Variants in RGS6 observed in about 807,000 individuals in gnomAD.
RGS6 encodes the protein regulator of G protein signaling 6.
Under a neutral mutation model 78.5 loss-of-function variants are expected in RGS6, and 30 were observed. The ratio of observed to expected loss-of-function variants is 0.38; its 90% CI spans 0.29 to 0.52. The LOEUF is 0.52. Among genes scored for constraint, RGS6 ranks in the 20% least tolerant of loss-of-function variants. RGS6 has a pLI of 0.85. For missense variants in RGS6, 495 were observed against 609.7 expected (o/e 0.81, Z 1.98); for synonymous variants, 206 against 206.0 (o/e 1.00, Z 0.00).
At chr14:72,257,851 T>C (rs2057380118) in intron 2 of RGS6, among the ~76,000 whole-genome samples, 5 of 152,128 alleles carry the variant, frequency 3.3e-5, no homozygotes. Flanking sequence ...TGGAGTTCCA[T>C]GAAGTCAATG....
chr14:71,941,230 C>T lies in RGS6; in HGVS notation c.-21+8289C>T, dbSNP rs899954426. On this transcript the variant is annotated intron_variant, in intron 1 of 17. Coordinates refer to ENST00000553525, the MANE Select transcript of RGS6 (RefSeq NM_001204424.2). ...CGCTAAACTCCCTGCCTCTCATGAG[C>T]GGTGAATTAGGAGTGTCAAAGGCAT... Among the ~76,000 whole-genome samples the T allele has an allele frequency of 1.1e-4, 16 of 152,126 alleles. No individual in the cohort carries two copies. The East Asian group carries it at 1.9e-3, about 18-fold the overall frequency.
the RGS6 span, among the ~76,000 whole-genome samples, chr14:71,881,840 T>C: frequency 6.6e-6 from 1 of 152,204 alleles, no homozygotes; most frequent in Non-Finnish European, 1.5e-5. Context: ...AGTATGTCTT[T>C]CTTTCTCTCT....
At chr14:72,334,463 C>T (rs1167450894) in intron 2 of RGS6, among the ~76,000 whole-genome samples, 1 of 152,244 alleles carries the variant, frequency 6.6e-6, no homozygotes, top group African/African-American at 2.4e-5. Context: ...TTCTTCACCC[C>T]TCCCCCATGA....
chr14:72,614,766 C>T, the RGS6 span, among the ~76,000 whole-genome samples: 1 of 36,774 alleles, frequency 2.7e-5, no homozygotes, highest in Non-Finnish European at 4.9e-5. Context: ...TGCCCAGGAT[C>T]ACAAGCCTCA....
At chr14:72,185,622 A>G (rs1428535854) in intron 2 of RGS6, among the ~76,000 whole-genome samples, 1 of 152,216 alleles carries the variant, frequency 6.6e-6, no homozygotes, top group Non-Finnish European at 1.5e-5. Context: ...ACTGATACTC[A>G]TGGATGAACT....
At chr14:72,598,990 G>T in the RGS6 span, among the ~76,000 whole-genome samples, 1 of 151,798 alleles carries the variant, frequency 6.6e-6, no homozygotes, top group Non-Finnish European at 1.5e-5. Context: ...GGGAGACCCA[G>T]TGCAGCCACG....
intron 3 of RGS6, among the ~76,000 whole-genome samples, chr14:72,430,427 G>A (rs1417081080): frequency 1.3e-5 from 2 of 152,206 alleles, no homozygotes; most frequent in African/African-American, 4.8e-5. Flanking sequence ...CTTTGAGGGT[G>A]GGAAGAAACT....
intron 2 of RGS6, among the ~76,000 whole-genome samples, chr14:72,300,659 G>A (rs1337918286): frequency 6.6e-6 from 1 of 152,152 alleles, no homozygotes; most frequent in African/African-American, 2.4e-5. Context: ...CAGTGAAGGG[G>A]GTGGCATAGA....
chr14:72,119,069 T>C (rs1246832289), intron 2 of RGS6, among the ~76,000 whole-genome samples: 1 of 152,160 alleles, frequency 6.6e-6, no homozygotes, highest in African/African-American at 2.4e-5. Context: ...AGTTGGAGGA[T>C]ATATGGTTGG....
At chr14:72,302,535 A>G (rs2066301742) in intron 2 of RGS6, among the ~76,000 whole-genome samples, 1 of 152,146 alleles carries the variant, frequency 6.6e-6, no homozygotes, top group South Asian at 2.1e-4. Context: ...TAGAATACTT[A>G]TTGGAAACCC....
At chr14:72,439,536 G>A (rs1316910971) in intron 3 of RGS6, among the ~76,000 whole-genome samples, 2 of 152,246 alleles carry the variant, frequency 1.3e-5, no homozygotes, top group African/African-American at 2.4e-5. Context: ...GAAGCAAAGT[G>A]TGCCAAATAA....
the RGS6 span, among the ~76,000 whole-genome samples, chr14:72,620,657 T>C: frequency 6.6e-6 from 1 of 152,240 alleles, no homozygotes; most frequent in Non-Finnish European, 1.5e-5. Flanking sequence ...TTTCTCTGCA[T>C]GTCCATTCCC....
chr14:72,602,053 G>A, the RGS6 span, among the ~76,000 whole-genome samples: 1 of 152,312 alleles, frequency 6.6e-6, no homozygotes, highest in Middle Eastern at 3.4e-3. Flanking sequence ...CCAGATACGG[G>A]GCCAAGGGCT....
At position 71,962,214 on chromosome 14, in the gene RGS6, T is replaced by C. The variant is rs148361205; in HGVS notation, c.-20-2558T>C. Among the ~76,000 whole-genome samples, 425 of 152,348 alleles carry C rather than the reference T, an allele frequency of 2.8e-3. 3 individuals are homozygous for C. Among genetic ancestry groups the C allele is most frequent in the African/African-American group, 0.01 (417 of 41,572 alleles). On this transcript the variant is annotated intron_variant, in intron 1 of 17. Transcript: ENST00000553525. ...ACAGAGACTATCTGCATTCACTTAG[T>C]AGTTTCCAGTCTAGACTCTGGAACA...
intron 2 of RGS6, among the ~76,000 whole-genome samples, chr14:71,994,532 C>T (rs2095109785): frequency 2.6e-5 from 4 of 152,008 alleles, no homozygotes; most frequent in African/African-American, 9.7e-5. Context: ...ATTGTGTCCC[C>T]CTCCACCCAG....
intron 2 of RGS6, among the ~76,000 whole-genome samples, chr14:72,085,790 G>T (rs1424046118): frequency 6.8e-6 from 1 of 146,410 alleles, no homozygotes; most frequent in Admixed American, 7.2e-5. Flanking sequence ...GGAGGCGGAG[G>T]CTGCAGTGAG....
chr14:72,327,136 C>T (rs1248950413), intron 2 of RGS6, among the ~76,000 whole-genome samples: 1 of 152,256 alleles, frequency 6.6e-6, no homozygotes, highest in Admixed American at 6.5e-5. Flanking sequence ...TAATGTATCC[C>T]CTTTTTTATC....
intron 2 of RGS6, among the ~76,000 whole-genome samples, chr14:72,280,925 A>G (rs771711863): frequency 1.3e-5 from 2 of 152,224 alleles, no homozygotes; most frequent in African/African-American, 4.8e-5. Context: ...AAACTTAAAT[A>G]GAATACATTA....
intron 12 of RGS6, among the ~76,000 whole-genome samples, chr14:72,491,553 C>T (rs902316456): frequency 2.0e-5 from 3 of 152,072 alleles, no homozygotes; most frequent in Non-Finnish European, 2.9e-5. Context: ...ACAAAGTTTA[C>T]GTAATTGGGG....
Sources: gnomAD v4.1 joint callset for allele counts (sites outside exome capture counted in the v4.1 genomes callset) on GRCh38, gnomAD v4.1.1 for gene constraint, MANE v1.5 for transcripts, NCBI Gene and HGNC (gene_info 2026-07-23, HGNC 2026-07-21) for gene names.